ANK1: variants seen among roughly 807,000 people sequenced by gnomAD.
The protein encoded by ANK1 is ankyrin-1.
In ANK1, 51 loss-of-function variants were observed where a neutral mutation model predicts 210.4. The observed-to-expected ratio is 0.24, with a 90% CI of 0.19 to 0.31. ANK1 has a LOEUF of 0.31. Ranked by LOEUF, ANK1 falls within the 10% of genes least tolerant of loss-of-function variation. The pLI is 1.00. For missense variants in ANK1, 2,051 were observed against 2,504.4 expected (o/e 0.82, Z 3.86); for synonymous variants, 967 against 1,025.9 (o/e 0.94, Z 1.10).
At chr8:41,868,068 A>C (rs1020130408) in intron 1 of ANK1, among the ~76,000 whole-genome samples, 3 of 152,238 alleles carry the variant, frequency 2.0e-5, no homozygotes, top group Admixed American at 2.0e-4. Context: ...CATGTTGGCC[A>C]AGCTGGTCTT....
chr8:41,712,536 A>G (rs1308703007), intron 16 of ANK1, among the ~76,000 whole-genome samples: 1 of 152,228 alleles, frequency 6.6e-6, no homozygotes, highest in Non-Finnish European at 1.5e-5. Flanking sequence ...AAGGACAACT[A>G]GGCTGGAAAG....
intron 6 of ANK1, among the ~76,000 whole-genome samples, chr8:41,725,504 T>A (rs1045290748): frequency 5.9e-5 from 9 of 152,124 alleles, no homozygotes; most frequent in Non-Finnish European, 1.3e-4. Flanking sequence ...CCTGCCCGCC[T>A]GGACACATTT....
Position 41,725,944 on chromosome 8 carries a change from G to A in ANK1, c.429C>T (p.Asp143=), listed in dbSNP as rs375906414. The A allele has an allele frequency of 5.0e-6, 8 of 1,613,264 alleles. No homozygotes were observed. Among genetic ancestry groups the A allele is most frequent in the African/African-American group, 4.0e-5 (3 of 75,054 alleles). The stretch of plus-strand genomic sequence containing the variant: ...GGGCTACCGCCAGAGGCGTGAAGCC[G>A]TCCTGGCCAGAGGAGGAAAATGCTT... The part of the protein sequence containing the change: ...NGANQNVATE[D]GFTPLAVALQ... The change falls in exon 6 of 43, where the codon GAC becomes GAT. Residue 143 remains aspartate (D), a splice_region_variant and synonymous_variant. Coordinates refer to ENST00000289734, the MANE Select transcript of ANK1 (RefSeq NM_000037.4).
chr8:41,706,687 A>C (rs1824675620), intron 17 of ANK1, among the ~76,000 whole-genome samples: 1 of 152,260 alleles, frequency 6.6e-6, no homozygotes, highest in Non-Finnish European at 1.5e-5. Flanking sequence ...GGTGAATTTC[A>C]GAGCCCTGTA....
chr8:41,843,573 G>A (rs1238955074), intron 1 of ANK1, among the ~76,000 whole-genome samples: 1 of 152,138 alleles, frequency 6.6e-6, no homozygotes, highest in African/African-American at 2.4e-5. Context: ...GATTCATTCC[G>A]CTGCTGGAGG....
intron 40 of ANK1, 81 bp downstream of exon 40, chr8:41,663,578 A>G: frequency 7.2e-7 from 1 of 1,382,900 alleles, no homozygotes; most frequent in East Asian, 2.3e-5. Context: ...GGCAGCAGGG[A>G]GAAGCCACTG....
chr8:41,724,424 G>A (rs773467624), intron 7 of ANK1, 32 bp downstream of exon 7: 32 of 1,527,578 alleles, frequency 2.1e-5, no homozygotes, highest in African/African-American at 5.5e-5. Context: ...CCAAGCCCCC[G>A]GACAGTGAGG....
chr8:41,824,841 G>C (rs1048530568), intron 1 of ANK1, among the ~76,000 whole-genome samples: 4 of 152,210 alleles, frequency 2.6e-5, no homozygotes, highest in African/African-American at 4.8e-5. Flanking sequence ...CTCACAGAGC[G>C]TGAAGGCAGG....
At chr8:41,845,866 A>C (rs1587385688) in intron 1 of ANK1, among the ~76,000 whole-genome samples, 2 of 152,156 alleles carry the variant, frequency 1.3e-5, no homozygotes, top group East Asian at 3.9e-4. Flanking sequence ...ATGCGGGTGC[A>C]TGTTTTACAC....
At chr8:41,806,042 T>C (rs1489588681) in intron 1 of ANK1, among the ~76,000 whole-genome samples, 1 of 152,216 alleles carries the variant, frequency 6.6e-6, no homozygotes, top group African/African-American at 2.4e-5. Context: ...CCTTTACACT[T>C]GCAAGAGAGG....
At chr8:41,781,810 G>A (rs534368345) in intron 1 of ANK1, among the ~76,000 whole-genome samples, 1 of 152,268 alleles carries the variant, frequency 6.6e-6, no homozygotes, top group South Asian at 2.1e-4. Context: ...GGTCTCCAAG[G>A]CCAAGAGGGC....
chr8:41,759,157 G>A (rs559332781), intron 1 of ANK1, among the ~76,000 whole-genome samples: 62 of 152,210 alleles, frequency 4.1e-4, no homozygotes, highest in African/African-American at 1.4e-3. Context: ...TCAACCAACT[G>A]TGGATGGAAA....
At chr8:41,839,153 G>C (rs770703183) in intron 1 of ANK1, among the ~76,000 whole-genome samples, 1 of 152,224 alleles carries the variant, frequency 6.6e-6, no homozygotes, top group Non-Finnish European at 1.5e-5. Flanking sequence ...TGCAGAAAGA[G>C]AAATTCACCT....
chr8:41,844,115 C>T lies in ANK1; in HGVS notation c.126+52240G>A, dbSNP rs182770107. On this transcript the variant is annotated intron_variant, in intron 1 of 42. Coordinates refer to the ANK1 transcript ENST00000265709. ...CTTGAACTCCTGGCCTCAAGCAATC[C>T]TCCCACCTCGGCTTCCCAAAGTGTT... Among the ~76,000 whole-genome samples, 423 of 152,300 alleles carry T rather than the reference C, an allele frequency of 2.8e-3. 3 individuals are homozygous for T. Among genetic ancestry groups the T allele is most frequent in the Middle Eastern group, 0.02 (6 of 294 alleles).
At chr8:41,737,235 G>T (rs188991209) in intron 2 of ANK1, among the ~76,000 whole-genome samples, 1 of 152,304 alleles carries the variant, frequency 6.6e-6, no homozygotes, top group East Asian at 1.9e-4. Context: ...GGAGGCCAAG[G>T]TTGCAGCAAG....
In ANK1 at chr8:41,842,572, C is replaced by T. The variant is rs114843427; in HGVS notation, c.126+53783G>A. 7.1e-3 allele frequency among the ~76,000 whole-genome samples: 1,084 copies of T among 152,278 alleles called. 17 individuals carry two copies. Among genetic ancestry groups the T allele is most frequent in the African/African-American group, 0.025 (1,045 of 41,552 alleles). ...AAGCAACCATGGGCGAACCACATAT[C>T]CCTGTAAGCCTCAGTTTCTTCATCT... On this transcript the variant is annotated intron_variant, in intron 1 of 42. Transcript: ENST00000265709.
intron 40 of ANK1, among the ~76,000 whole-genome samples, 173 bp from the exon 41 acceptor site, chr8:41,662,114 C>T (rs961937817): frequency 1.3e-5 from 2 of 151,968 alleles, no homozygotes; most frequent in Non-Finnish European, 2.9e-5. Context: ...AAAATTAGCC[C>T]GGTGTGGTGG....
Position 41,883,928 on chromosome 8 carries a change from T to A in ANK1, c.126+12427A>T, listed in dbSNP as rs988842899. 3.3e-5 allele frequency among the ~76,000 whole-genome samples: 5 copies of A among 152,152 alleles called. No individual in the cohort carries two copies. In the South Asian group the frequency reaches 1.0e-3, roughly 32 times the overall value. ...CAGCAGCACAGTTAATGTTCATAAA[T>A]CAGAGGGAGTGGCACTGGAGGGGCA... is the stretch of plus-strand genomic sequence containing the variant. On this transcript the variant is annotated intron_variant, in intron 1 of 42. Transcript: ENST00000265709.
At chr8:41,875,116 G>A (rs1174501245) in intron 1 of ANK1, among the ~76,000 whole-genome samples, 2 of 152,142 alleles carry the variant, frequency 1.3e-5, no homozygotes, top group South Asian at 2.1e-4. Flanking sequence ...CGGGATGACC[G>A]GGTTCCCCTC....
Sources: gnomAD v4.1 joint callset for allele counts (sites outside exome capture counted in the v4.1 genomes callset) on GRCh38, gnomAD v4.1.1 for gene constraint, MANE v1.5 for transcripts, NCBI Gene and HGNC (gene_info 2026-07-23, HGNC 2026-07-21) for gene names.